Variants in ZNF804B observed in about 807,000 individuals in gnomAD.
ZNF804B encodes zinc finger protein 804B.
Under a neutral mutation model 101.4 loss-of-function variants are expected in ZNF804B, and 80 were observed. The observed-to-expected ratio is 0.79, with a 90% confidence interval of 0.66 to 0.95. The LOEUF (loss-of-function observed/expected upper bound fraction) is 0.95, where lower values mean the gene tolerates loss of function less well. Among genes scored for constraint, ZNF804B ranks in the 40% least tolerant of loss-of-function variants. ZNF804B has a pLI of 0.00. For synonymous variants in ZNF804B, 622 were observed against 558.8 expected (o/e 1.11, Z -1.59); for missense variants, 1,673 against 1,561.9 (o/e 1.07, Z -1.20).
chr7:89,041,633 G>A (rs1275311507), intron 1 of ZNF804B, among the ~76,000 whole-genome samples: 1 of 152,214 alleles, frequency 6.6e-6, no homozygotes, highest in Non-Finnish European at 1.5e-5. Context: ...CTGGGATTTG[G>A]TGGGATGGGG....
At chr7:89,097,840 A>G (rs2059621816) in intron 1 of ZNF804B, among the ~76,000 whole-genome samples, 1 of 152,134 alleles carries the variant, frequency 6.6e-6, no homozygotes, top group African/African-American at 2.4e-5. Context: ...TCTTTCTGCA[A>G]ATTCATTTCA....
At chr7:88,840,490 A>G (rs1791279445) in intron 1 of ZNF804B, among the ~76,000 whole-genome samples, 1 of 152,202 alleles carries the variant, frequency 6.6e-6, no homozygotes, top group South Asian at 2.1e-4. Flanking sequence ...AGCAATAGAT[A>G]ATATTAAAAG....
chr7:89,304,543 A>G (rs201366024), intron 2 of ZNF804B, among the ~76,000 whole-genome samples: 6 of 142,024 alleles, frequency 4.2e-5, no homozygotes, highest in African/African-American at 1.5e-4. Context: ...GTGTGTGTGT[A>G]TGTGTGTGTC....
chr7:88,765,896 G>GTACT (rs10670885), intron 1 of ZNF804B, among the ~76,000 whole-genome samples: 57,442 of 151,694 alleles, frequency 0.38, 13,520 homozygotes, highest in African/African-American at 0.67. Flanking sequence ...TGTTTTGGAA[G>GTACT]TACTAAACTT....
chr7:89,228,915 G>A (rs772441654), intron 2 of ZNF804B, among the ~76,000 whole-genome samples: 4 of 152,186 alleles, frequency 2.6e-5, no homozygotes, highest in South Asian at 2.1e-4. Flanking sequence ...GCCCTGCCCC[G>A]CGGGAAGGCA....
intron 1 of ZNF804B, among the ~76,000 whole-genome samples, chr7:88,975,415 T>C (rs1793602635): frequency 6.6e-6 from 1 of 151,438 alleles, no homozygotes; most frequent in African/African-American, 2.4e-5. Flanking sequence ...TAGGGTTCCC[T>C]TTTTCGCACA....
chr7:88,900,149 T>C (rs553347713), intron 1 of ZNF804B, among the ~76,000 whole-genome samples: 3 of 152,260 alleles, frequency 2.0e-5, no homozygotes, highest in South Asian at 2.1e-4. Context: ...TTGGCTGGCA[T>C]ACTTTATGTA....
chr7:88,784,244 G>C (rs1377078253), intron 1 of ZNF804B, among the ~76,000 whole-genome samples: 1 of 152,172 alleles, frequency 6.6e-6, no homozygotes, highest in Non-Finnish European at 1.5e-5. Context: ...GGAAATAGCA[G>C]TGTATTAACC....
chr7:89,011,723 T>G (rs1788464684), intron 1 of ZNF804B, among the ~76,000 whole-genome samples: 1 of 151,706 alleles, frequency 6.6e-6, no homozygotes, highest in Admixed American at 6.6e-5. Context: ...TGGGCTCCTA[T>G]GGCCTTGGGG....
intron 1 of ZNF804B, among the ~76,000 whole-genome samples, chr7:88,955,095 A>G (rs1793284375): frequency 1.1e-5 from 1 of 92,820 alleles, no homozygotes. Flanking sequence ...CCTTGTCTCT[A>G]TTTAAAAAAA....
At chr7:89,018,728 A>G (rs975491003) in intron 1 of ZNF804B, among the ~76,000 whole-genome samples, 5 of 151,974 alleles carry the variant, frequency 3.3e-5, no homozygotes, top group African/African-American at 1.2e-4. Context: ...CAATCTTGGT[A>G]GGTTGTATAT....
At chr7:89,093,336 G>A (rs1187718747) in intron 1 of ZNF804B, among the ~76,000 whole-genome samples, 12 of 152,106 alleles carry the variant, frequency 7.9e-5, no homozygotes, top group Admixed American at 7.9e-4. Context: ...AGTTATTTAG[G>A]TAACTTTTCC....
chr7:88,809,071 A>C (rs1032036044), intron 1 of ZNF804B, among the ~76,000 whole-genome samples: 10 of 152,278 alleles, frequency 6.6e-5, no homozygotes, highest in African/African-American at 2.4e-4. Context: ...AAAATAACTA[A>C]ATTTGGCAGC....
chr7:88,853,930 G>A (rs963649808), intron 1 of ZNF804B, among the ~76,000 whole-genome samples: 2 of 151,990 alleles, frequency 1.3e-5, no homozygotes, highest in Non-Finnish European at 2.9e-5. Flanking sequence ...AGATTAAAAC[G>A]TTTCGAGGGC....
chr7:89,203,208 G>T (rs777349213), intron 1 of ZNF804B, among the ~76,000 whole-genome samples: 1 of 152,090 alleles, frequency 6.6e-6, no homozygotes, highest in Admixed American at 6.5e-5. Context: ...CACCATCAGC[G>T]CTGCCATTAG....
intron 1 of ZNF804B, among the ~76,000 whole-genome samples, chr7:88,863,031 A>G (rs1469397685): frequency 6.6e-6 from 1 of 152,188 alleles, no homozygotes; most frequent in Non-Finnish European, 1.5e-5. Context: ...ATAAAAGCCT[A>G]TAACATGTCT....
At chr7:89,251,453 C>A (rs931308897) in intron 2 of ZNF804B, among the ~76,000 whole-genome samples, 4 of 152,060 alleles carry the variant, frequency 2.6e-5, no homozygotes, top group African/African-American at 9.7e-5. Flanking sequence ...ATAGGTAATA[C>A]AAACAAATAG....
intron 1 of ZNF804B, among the ~76,000 whole-genome samples, chr7:89,139,865 G>T (rs1342983927): frequency 6.6e-6 from 1 of 151,976 alleles, no homozygotes; most frequent in African/African-American, 2.4e-5. Flanking sequence ...CTTCTCTTAT[G>T]AATCACACAC....
At position 88,965,294 on chromosome 7, in the gene ZNF804B, A is replaced by T. The variant is rs778906781; in HGVS notation, c.108+205210A>T. On this transcript the variant is annotated intron_variant, in intron 1 of 3. Transcript: ENST00000333190. ...CTTGCAGAGAGAATAGGTTAAAGAG[A>T]TTCTCTCTTTTGTTTCTCTCTTTGT... Among the ~76,000 whole-genome samples, 25 of 151,346 alleles carry T rather than the reference A, an allele frequency of 1.7e-4. 1 individual carries two copies. Among genetic ancestry groups the T allele is most frequent in the Non-Finnish European group, 3.0e-4 (20 of 67,618 alleles).
Sources: allele counts gnomAD v4.1 joint callset (sites outside exome capture counted in the v4.1 genomes callset), GRCh38; gene constraint gnomAD v4.1.1; transcripts MANE v1.5; gene names NCBI Gene and HGNC (gene_info 2026-07-23, HGNC 2026-07-21).